FBXL7: variants seen among roughly 807,000 people sequenced by gnomAD.
FBXL7 encodes the protein F-box and leucine rich repeat protein 7, also known as F-box/LRR-repeat protein 7.
Under a neutral mutation model 38.3 loss-of-function variants are expected in FBXL7, and 12 were observed. The ratio of observed to expected loss-of-function variants is 0.31; its 90% CI spans 0.20 to 0.51. The LOEUF (loss-of-function observed/expected upper bound fraction) is 0.51, where lower values mean the gene tolerates loss of function less well. Among genes scored for constraint, FBXL7 ranks in the 20% least tolerant of loss-of-function variants. FBXL7 has a pLI of 0.98. For synonymous variants in FBXL7, 297 were observed against 300.9 expected, an observed-to-expected ratio of 0.99 and a Z score of 0.13; for missense variants, 567 against 676.4, an observed-to-expected ratio of 0.84 and a Z score of 1.79.
At position 15,753,684 on chromosome 5, in the gene FBXL7, C is replaced by T. The variant is rs537020827; in HGVS notation, c.127+137612C>T. 4.6e-5 allele frequency among the ~76,000 whole-genome samples: 7 copies of T among 152,240 alleles called. No individual in the cohort carries two copies. The South Asian group carries it at 1.5e-3, about 32-fold the overall frequency. On this transcript the variant is annotated intron_variant, in intron 2 of 3. Coordinates refer to ENST00000504595, the MANE Select transcript of FBXL7 (RefSeq NM_012304.5). ...AATATTATTCAGACATAGTGAGGTACTTTGATGTAGTTCTAGTGGCTATAT... is the reference window on the plus strand; with the variant it reads ...AATATTATTCAGACATAGTGAGGTATTTTGATGTAGTTCTAGTGGCTATAT...
In FBXL7 at chr5:15,936,768, G is replaced by A. The variant is rs1232628405; in HGVS notation, c.1058G>A (p.Arg353Gln). ...ATCGCCAAGCTGGAGTCCCGCCTGC[G>A]GTACCTGAGCATCGCGCACTGCGGC... Reference protein sequence around the residue: ...REIAKLESRLRYLSIAHCGRV... With the variant: ...REIAKLESRLQYLSIAHCGRV... Residue 353 changes from arginine to glutamine, a missense_variant, in exon 4 of 4, where the codon CGG (arginine) becomes CAG (glutamine). Physicochemically the swap from Arg to Gln is conservative, Grantham distance 43. Transcript: ENST00000504595. This position sits in a 1 kb window ranked among gnomAD's most constrained non-coding sequence, Gnocchi z 6.0. The A allele has an allele frequency of 3.1e-6, 5 of 1,610,884 alleles. No individual in the cohort carries two copies. The highest frequency in any genetic ancestry group is 1.3e-5 in the African/African-American group (1 of 74,888).
chr5:15,726,525 T>G (rs896757053), intron 2 of FBXL7, among the ~76,000 whole-genome samples: 4 of 151,916 alleles, frequency 2.6e-5, no homozygotes, highest in African/African-American at 9.7e-5. Flanking sequence ...AAACCCCGTC[T>G]CTACTAAAAA....
intron 2 of FBXL7, among the ~76,000 whole-genome samples, chr5:15,636,986 A>T (rs1022844357): frequency 6.6e-6 from 1 of 152,144 alleles, no homozygotes; most frequent in African/African-American, 2.4e-5. Context: ...TGTGAGTATC[A>T]AGTCTATGAA....
chr5:15,640,135 C>T (rs1002838771), intron 2 of FBXL7, among the ~76,000 whole-genome samples: 2 of 152,088 alleles, frequency 1.3e-5, no homozygotes, highest in African/African-American at 4.8e-5. Flanking sequence ...AGTATAATAC[C>T]ACACGTTGGG....
intron 2 of FBXL7, among the ~76,000 whole-genome samples, chr5:15,658,111 C>A (rs1423494149): frequency 6.6e-6 from 1 of 152,092 alleles, no homozygotes; most frequent in Non-Finnish European, 1.5e-5. Context: ...CTGTGGGAAT[C>A]AGCAATGGAA....
rs145758981 is a variant in FBXL7 at position 15,628,291 on chromosome 5, A to G, written c.127+12219A>G. Among the ~76,000 whole-genome samples the G allele has an allele frequency of 2.3e-3, 355 of 152,180 alleles. 5 individuals carry two copies. In the East Asian group the frequency reaches 0.048, roughly 21 times the overall value. On this transcript the variant is annotated intron_variant, in intron 2 of 3. Coordinates refer to ENST00000504595, the MANE Select transcript of FBXL7 (RefSeq NM_012304.5). ...TATAGAAAACCAGATTTCTCTGCCCAGAAGAGAGATTCTGAGCTGCAAAAG... is the reference window on the plus strand; with the variant it reads ...TATAGAAAACCAGATTTCTCTGCCCGGAAGAGAGATTCTGAGCTGCAAAAG...
intron 1 of FBXL7, among the ~76,000 whole-genome samples, chr5:15,605,597 G>A (rs1398798860): frequency 6.6e-6 from 1 of 152,098 alleles, no homozygotes; most frequent in Non-Finnish European, 1.5e-5. Context: ...GGAATGAGGA[G>A]TTATTATTTA....
intron 2 of FBXL7, among the ~76,000 whole-genome samples, chr5:15,772,677 T>C (rs1202657534): frequency 6.6e-6 from 1 of 152,198 alleles, no homozygotes; most frequent in East Asian, 1.9e-4. Context: ...ATATATTATA[T>C]AGCACAGTGA....
chr5:15,605,888 G>A (rs754466809), intron 1 of FBXL7, among the ~76,000 whole-genome samples: 2 of 152,164 alleles, frequency 1.3e-5, no homozygotes, highest in African/African-American at 2.4e-5. Flanking sequence ...CATAAACCCA[G>A]TAGAATGACA....
chr5:15,661,591 G>A (rs1045155737), intron 2 of FBXL7, among the ~76,000 whole-genome samples: 5 of 151,990 alleles, frequency 3.3e-5, no homozygotes, highest in African/African-American at 1.2e-4. Flanking sequence ...ACATGTGAAG[G>A]TTTGTTACAT....
intron 2 of FBXL7, among the ~76,000 whole-genome samples, chr5:15,742,510 C>A (rs560425936): frequency 6.6e-6 from 1 of 152,228 alleles, no homozygotes; most frequent in Admixed American, 6.5e-5. Context: ...ATTCAGTAAA[C>A]CTGTAAAAGC....
At chr5:15,926,230 T>A (rs1303079400) in intron 2 of FBXL7, among the ~76,000 whole-genome samples, 2 of 151,376 alleles carry the variant, frequency 1.3e-5, no homozygotes, top group African/African-American at 4.8e-5. Context: ...GAAAATACAT[T>A]TCTTCCTAAA....
At chr5:15,591,609 C>G (rs550164089) in intron 1 of FBXL7, among the ~76,000 whole-genome samples, 1 of 152,242 alleles carries the variant, frequency 6.6e-6, no homozygotes, top group Admixed American at 6.5e-5. Flanking sequence ...ATTTTTCTCC[C>G]ACAATTGGCA....
intron 1 of FBXL7, among the ~76,000 whole-genome samples, chr5:15,568,127 G>C (rs1431407844): frequency 1.3e-5 from 2 of 152,026 alleles, no homozygotes; most frequent in African/African-American, 4.8e-5. Flanking sequence ...TGGGATTGCT[G>C]GGTCAAATGG....
chr5:15,722,680 C>T (rs990758700), intron 2 of FBXL7, among the ~76,000 whole-genome samples: 6 of 152,088 alleles, frequency 3.9e-5, no homozygotes, highest in South Asian at 2.1e-4. Context: ...CCCAGCACTT[C>T]GGGAGGCCGA....
chr5:15,505,632 A>C (rs906445847), intron 1 of FBXL7, among the ~76,000 whole-genome samples: 1 of 152,186 alleles, frequency 6.6e-6, no homozygotes, highest in Non-Finnish European at 1.5e-5. Context: ...GTCCCTGAAT[A>C]AAGAAAATTG....
chr5:15,710,548 C>T lies in FBXL7; in HGVS notation c.127+94476C>T, dbSNP rs182224476. On this transcript the variant is annotated intron_variant, in intron 2 of 3. Coordinates refer to ENST00000504595, the MANE Select transcript of FBXL7 (RefSeq NM_012304.5). ...TTAATTTTTTTCATACAGCTATCAC[C>T]GTATGATGCCGTAATATTTTGATTA... 9.8e-4 allele frequency among the ~76,000 whole-genome samples: 149 copies of T among 152,210 alleles called. 1 individual carries two copies. The highest frequency in any genetic ancestry group is 1.1e-3 in the Non-Finnish European group (73 of 68,018).
intron 2 of FBXL7, among the ~76,000 whole-genome samples, chr5:15,742,668 C>T (rs1735922589): frequency 6.6e-6 from 1 of 152,178 alleles, no homozygotes; most frequent in African/African-American, 2.4e-5. Flanking sequence ...CTTTCCTAAA[C>T]ATTTTAAAGC....
intron 1 of FBXL7, among the ~76,000 whole-genome samples, chr5:15,559,793 G>A (rs557680195): frequency 3.3e-5 from 5 of 152,198 alleles, no homozygotes; most frequent in Admixed American, 2.6e-4. Flanking sequence ...GATTGATTAC[G>A]CATTGATGTT....
Sources: gnomAD v4.1 joint callset for allele counts (sites outside exome capture counted in the v4.1 genomes callset) on GRCh38, gnomAD v4.1.1 for gene constraint, Gnocchi (gnomAD v3.1) non-coding constraint, MANE v1.5 for transcripts, NCBI Gene and HGNC (gene_info 2026-07-23, HGNC 2026-07-21) for gene names.